The following GTF2IRD1 variants were observed in gnomAD, a reference collection of about 807,000 sequenced individuals.
GTF2IRD1 encodes GTF2I repeat domain containing 1.
In GTF2IRD1, 26 loss-of-function variants were observed where a neutral mutation model predicts 113.2. That is an observed-to-expected ratio of 0.23 (90% CI 0.17 to 0.32). GTF2IRD1 has a LOEUF of 0.32. GTF2IRD1 is among the 10% of genes least tolerant of loss of function. The probability of loss-of-function intolerance (pLI) is 1.00; values close to 1 mark genes in which losing one functional copy is unlikely to be tolerated. For synonymous variants in GTF2IRD1, 484 were observed against 529.1 expected (o/e 0.91, Z 1.17); for missense variants, 864 against 1,280.8 (o/e 0.67, Z 4.97).
intron 1 of GTF2IRD1, among the ~76,000 whole-genome samples, chr7:74,466,176 C>G (rs1419035866): frequency 6.6e-6 from 1 of 152,230 alleles, no homozygotes; most frequent in Non-Finnish European, 1.5e-5. Context: ...CACAGTCAGC[C>G]ATCCCGCTTG....
Position 74,512,869 on chromosome 7 carries a change from G to A in GTF2IRD1, c.163G>A (p.Val55Ile). 1.2e-6 allele frequency: 2 copies of A among 1,614,130 alleles called. No individual in the cohort carries two copies. Among genetic ancestry groups the A allele is most frequent in the Non-Finnish European group, 1.7e-6 (2 of 1,179,978 alleles). The change falls in exon 3 of 27, where the codon GTC (valine) becomes ATC (isoleucine). Residue 55 changes from valine (V) to isoleucine (I), a missense_variant. Physicochemically the swap from Val to Ile is conservative, Grantham distance 29. This residue lies in a region of GTF2IRD1 where 182 missense variants were observed against 266.6 expected (regional missense o/e 0.68). Transcript: ENST00000424337. The surrounding 1 kb of genome is among the most constrained non-coding windows in gnomAD (Gnocchi z 4.4). ...LSKLNAEVAC[V>I]AVHDESAFVV... is the part of the protein sequence containing the mutation. Reference sequence around the variant, plus strand: ...CAAACTGAACGCCGAGGTGGCCTGTGTCGCCGTGCACGATGAGAGCGCCTT... The same window carrying A: ...CAAACTGAACGCCGAGGTGGCCTGTATCGCCGTGCACGATGAGAGCGCCTT...
chr7:74,527,304 C>T (rs1293002406), intron 8 of GTF2IRD1, among the ~76,000 whole-genome samples: 1 of 152,136 alleles, frequency 6.6e-6, no homozygotes, highest in Non-Finnish European at 1.5e-5. Flanking sequence ...GTCTGGGCAA[C>T]ATAGCAAGAC....
At chr7:74,599,436 G>A (rs1280639154) in intron 25 of GTF2IRD1, among the ~76,000 whole-genome samples, 1 of 152,132 alleles carries the variant, frequency 6.6e-6, no homozygotes, top group Non-Finnish European at 1.5e-5. Context: ...CTAGGTGCTG[G>A]GTTCTTTTAT....
At chr7:74,513,591 C>T (rs888656375) in intron 3 of GTF2IRD1, among the ~76,000 whole-genome samples, 2 of 152,246 alleles carry the variant, frequency 1.3e-5, no homozygotes, top group Non-Finnish European at 2.9e-5. Flanking sequence ...AGATGTGAGC[C>T]GCCATGCCTG....
chr7:74,488,115 T>C (rs1276966717), intron 1 of GTF2IRD1, among the ~76,000 whole-genome samples: 1 of 152,002 alleles, frequency 6.6e-6, no homozygotes, highest in Non-Finnish European at 1.5e-5. Context: ...ACCCTATCTC[T>C]AAAAAGTAAA....
At chr7:74,551,479 C>G (rs113797042) in intron 17 of GTF2IRD1, among the ~76,000 whole-genome samples, 1 of 152,174 alleles carries the variant, frequency 6.6e-6, no homozygotes. Flanking sequence ...CTGGAGTTGC[C>G]GATGTCACCC....
rs587628814 is a variant in GTF2IRD1, at chr7:74,567,243, G to A, written c.2320+7588G>A. Among the ~76,000 whole-genome samples the A allele has an allele frequency of 5.9e-5, 9 of 152,016 alleles. No homozygotes were observed. In the East Asian group the frequency reaches 9.7e-4, roughly 16 times the overall value. ...CTTGGGAGCCTGAGGCAGGAGAATC[G>A]CTTGAACCCGGGAGGCAGAGGTTGC... On this transcript the variant is annotated intron_variant, in intron 22 of 26. Transcript: ENST00000424337.
intron 1 of GTF2IRD1, among the ~76,000 whole-genome samples, chr7:74,469,066 C>A (rs1255447677): frequency 7.2e-6 from 1 of 139,818 alleles, no homozygotes; most frequent in Non-Finnish European, 1.5e-5. Context: ...GCCTGGACGA[C>A]AGAGCGAGAC....
intron 3 of GTF2IRD1, among the ~76,000 whole-genome samples, chr7:74,514,726 C>T (rs781808630): frequency 1.3e-5 from 2 of 151,724 alleles, no homozygotes; most frequent in Non-Finnish European, 2.9e-5. Flanking sequence ...GTTTTCTCTC[C>T]CTCCGGCAGA....
intron 4 of GTF2IRD1, among the ~76,000 whole-genome samples, chr7:74,517,367 A>C (rs1357220312): frequency 2.6e-4 from 27 of 104,372 alleles, no homozygotes; most frequent in African/African-American, 4.7e-4. Flanking sequence ...CTCCCTCTCC[A>C]CTTCCTCTTC....
At chr7:74,497,322 GCA>G (rs1163039296) in intron 1 of GTF2IRD1, among the ~76,000 whole-genome samples, 2 of 152,136 alleles carry the variant, frequency 1.3e-5, no homozygotes, top group Non-Finnish European at 2.9e-5. Flanking sequence ...GAGTGCAGTT[GCA>G]CAGTCACACC....
chr7:74,515,337 T>C, intron 3 of GTF2IRD1, 104 bp from the exon 4 acceptor site: 1 of 1,531,648 alleles, frequency 6.5e-7, no homozygotes, highest in Non-Finnish European at 8.8e-7. Context: ...TATCACATTG[T>C]GTGCCAGTCT....
chr7:74,497,629 C>G (rs1462496340), intron 1 of GTF2IRD1, among the ~76,000 whole-genome samples: 6 of 152,116 alleles, frequency 3.9e-5, no homozygotes, highest in African/African-American at 1.2e-4. Context: ...TGCATCCCTA[C>G]CAGCAGCACA....
rs782247204 is a variant in GTF2IRD1 at position 74,538,699 on chromosome 7, C to T, written c.1467C>T (p.Gly489=). The change falls in exon 13 of 27, where the codon GGC becomes GGT. Residue 489 remains glycine, a synonymous_variant. Transcript: ENST00000424337. ...DCGPGTSGEL[G]GLRPIKIEPE... Reference sequence around the variant, plus strand: ...TTGCAGGAACCTCCGGGGAGCTGGGCGGGCTGAGGCCGATCAAAATTGAGC... The same window carrying T: ...TTGCAGGAACCTCCGGGGAGCTGGGTGGGCTGAGGCCGATCAAAATTGAGC... The T allele has an allele frequency of 2.6e-5, 41 of 1,602,436 alleles. No homozygotes were observed. In the Admixed American group the frequency reaches 3.5e-4, roughly 14 times the overall value.
intron 14 of GTF2IRD1, among the ~76,000 whole-genome samples, chr7:74,541,921 T>C (rs1461214550): frequency 3.3e-5 from 5 of 149,790 alleles, no homozygotes; most frequent in African/African-American, 1.2e-4. Context: ...AATAGATAGA[T>C]AGATAGATAG....
intron 10 of GTF2IRD1, 54 bp from the exon 11 acceptor site, chr7:74,536,113 C>A: frequency 8.9e-7 from 1 of 1,120,632 alleles, no homozygotes; most frequent in Non-Finnish European, 1.4e-6. Flanking sequence ...AGGGGCTCTG[C>A]AGCAAGAGGA....
chr7:74,560,780 C>G (rs1263127153), intron 22 of GTF2IRD1, among the ~76,000 whole-genome samples: 3 of 151,818 alleles, frequency 2.0e-5, no homozygotes, highest in Non-Finnish European at 4.4e-5. Context: ...TGGGTTTCAC[C>G]ATATTGGCTA....
intron 4 of GTF2IRD1, among the ~76,000 whole-genome samples, chr7:74,517,485 TGCA>T (rs1797018267): frequency 1.5e-5 from 2 of 135,736 alleles, no homozygotes; most frequent in African/African-American, 2.9e-5. Flanking sequence ...CAGGCTGGAG[TGCA>T]GCGGCTCACT....
At chr7:74,541,671 C>T (rs1433579099) in intron 14 of GTF2IRD1, among the ~76,000 whole-genome samples, 14 of 152,080 alleles carry the variant, frequency 9.2e-5, no homozygotes, top group South Asian at 6.2e-4. Flanking sequence ...GAGGCTGAGG[C>T]GGGCAGATCA....
Sources: allele counts gnomAD v4.1 joint callset (sites outside exome capture counted in the v4.1 genomes callset), GRCh38; gene constraint gnomAD v4.1.1; regional missense constraint gnomAD v4.1.1; non-coding constraint Gnocchi (gnomAD v3.1); transcripts MANE v1.5; gene names NCBI Gene and HGNC (gene_info 2026-07-23, HGNC 2026-07-21).